The following CSGALNACT1 variants were observed in gnomAD, a reference collection of about 807,000 sequenced individuals.
CSGALNACT1 encodes the protein beta4GalNAcT-1.
CSGALNACT1 carries 52 observed loss-of-function variants against 51.0 expected under a neutral mutation model. The observed-to-expected ratio is 1.02, with a 90% CI of 0.82 to 1.29. CSGALNACT1 has a LOEUF of 1.29. CSGALNACT1 is among the 50% of genes most tolerant of loss of function. The probability of loss-of-function intolerance (pLI) is 0.00; values close to 1 mark genes in which losing one functional copy is unlikely to be tolerated. For synonymous variants in CSGALNACT1, 341 were observed against 254.4 expected, an observed-to-expected ratio of 1.34 and a Z score of -3.24; for missense variants, 935 against 679.2, an observed-to-expected ratio of 1.38 and a Z score of -4.19.
chr8:19,668,076 A>G (rs1014685695), intron 1 of CSGALNACT1, among the ~76,000 whole-genome samples: 6 of 152,216 alleles, frequency 3.9e-5, no homozygotes, highest in Non-Finnish European at 8.8e-5. Flanking sequence ...ACTTTTCCAG[A>G]GAGAGAAATA....
At position 19,631,973 on chromosome 8, in the gene CSGALNACT1, G is replaced by T. The variant is rs530510850; in HGVS notation, c.-543-30108C>A. The stretch of plus-strand genomic sequence containing the variant: ...TGGGACAAGAGAAAAATAGGAAGAA[G>T]CTTTTTGCTGTAGGTTATTACACCT... On this transcript the variant is annotated intron_variant, in intron 1 of 9. Transcript: ENST00000332246. 2.6e-5 allele frequency among the ~76,000 whole-genome samples: 4 copies of T among 152,322 alleles called. No individual in the cohort carries two copies. The South Asian group carries it at 8.3e-4, about 32-fold the overall frequency.
chr8:19,608,176 C>T (rs1056255073), intron 1 of CSGALNACT1, among the ~76,000 whole-genome samples: 4 of 152,308 alleles, frequency 2.6e-5, no homozygotes, highest in African/African-American at 9.6e-5. Context: ...GAAAAGTAAA[C>T]TCACCCCCAA....
At chr8:19,634,615 T>A (rs1474970243) in intron 1 of CSGALNACT1, among the ~76,000 whole-genome samples, 1 of 152,184 alleles carries the variant, frequency 6.6e-6, no homozygotes, top group African/African-American at 2.4e-5. Flanking sequence ...TGAGCCATGA[T>A]TGCACCACTG....
chr8:19,445,961 G>A (rs2062042773), intron 5 of CSGALNACT1, among the ~76,000 whole-genome samples: 1 of 152,130 alleles, frequency 6.6e-6, no homozygotes, highest in African/African-American at 2.4e-5. Context: ...GATCACTTGA[G>A]GTCAGGAGTT....
chr8:19,582,154 G>A (rs370209326), intron 3 of CSGALNACT1, among the ~76,000 whole-genome samples: 1 of 152,296 alleles, frequency 6.6e-6, no homozygotes, highest in South Asian at 2.1e-4. Flanking sequence ...CAGGAGGGCC[G>A]TGGCTATAAC....
chr8:19,745,159 T>C (rs1365377597), intron 1 of CSGALNACT1, among the ~76,000 whole-genome samples: 3 of 152,148 alleles, frequency 2.0e-5, no homozygotes, highest in Admixed American at 6.5e-5. Flanking sequence ...AAAAATAAAT[T>C]CTACAAATAA....
chr8:19,681,073 G>C (rs1223983920), intron 1 of CSGALNACT1, among the ~76,000 whole-genome samples: 1 of 152,076 alleles, frequency 6.6e-6, no homozygotes, highest in Non-Finnish European at 1.5e-5. Flanking sequence ...CCAGATTTCA[G>C]TATCCCCAAA....
At chr8:19,593,117 G>A (rs1006137887) in intron 2 of CSGALNACT1, among the ~76,000 whole-genome samples, 4 of 152,192 alleles carry the variant, frequency 2.6e-5, no homozygotes, top group South Asian at 2.1e-4. Context: ...AACTGCTTCA[G>A]TAACTAAATA....
At chr8:19,669,219 A>G (rs774650726) in intron 1 of CSGALNACT1, among the ~76,000 whole-genome samples, 2 of 152,230 alleles carry the variant, frequency 1.3e-5, no homozygotes, top group Non-Finnish European at 2.9e-5. Context: ...TGCAAATGCA[A>G]GCACTAGTCT....
intron 3 of CSGALNACT1, among the ~76,000 whole-genome samples, chr8:19,554,251 A>G (rs1474829044): frequency 2.0e-5 from 3 of 152,202 alleles, no homozygotes; most frequent in Non-Finnish European, 4.4e-5. Flanking sequence ...ATCATCAGCA[A>G]CACTGCACAT....
At chr8:19,580,397 T>C (rs1372247963) in intron 3 of CSGALNACT1, among the ~76,000 whole-genome samples, 1 of 152,212 alleles carries the variant, frequency 6.6e-6, no homozygotes, top group African/African-American at 2.4e-5. Context: ...GGGCCTAGTA[T>C]GGACAGAGTC....
intron 1 of CSGALNACT1, among the ~76,000 whole-genome samples, chr8:19,661,815 C>A (rs1477376540): frequency 1.3e-5 from 2 of 152,116 alleles, no homozygotes; most frequent in African/African-American, 4.8e-5. Context: ...ACGGATATGC[C>A]TTGCCTTTCT....
At chr8:19,453,476 G>A (rs946932490) in intron 5 of CSGALNACT1, among the ~76,000 whole-genome samples, 3 of 152,112 alleles carry the variant, frequency 2.0e-5, no homozygotes, top group African/African-American at 7.2e-5. Context: ...GAGAAGACCT[G>A]TAAAATATAT....
At chr8:19,545,672 G>C (rs144742555) in intron 3 of CSGALNACT1, among the ~76,000 whole-genome samples, 2 of 151,858 alleles carry the variant, frequency 1.3e-5, no homozygotes, top group African/African-American at 4.8e-5. Flanking sequence ...GAGAAAAAAC[G>C]TAAGGAAATG....
chr8:19,620,118 A>C (rs1313362380), intron 1 of CSGALNACT1, among the ~76,000 whole-genome samples: 1 of 151,930 alleles, frequency 6.6e-6, no homozygotes, highest in Non-Finnish European at 1.5e-5. Context: ...TTCAAGACCA[A>C]CCTGGCCAAT....
At chr8:19,428,764 A>G (rs1467865091) in intron 6 of CSGALNACT1, among the ~76,000 whole-genome samples, 2 of 152,042 alleles carry the variant, frequency 1.3e-5, no homozygotes, top group African/African-American at 4.8e-5. Context: ...GGCTCTGCAG[A>G]GGACACAAGG....
upstream of CSGALNACT1, among the ~76,000 whole-genome samples, chr8:19,685,765 T>C (rs991748021): frequency 7.2e-5 from 11 of 152,206 alleles, no homozygotes; most frequent in African/African-American, 2.7e-4. Flanking sequence ...AGGCAGGTAT[T>C]TCAAGGAAGC....
At chr8:19,524,547 A>G (rs2081311077) in intron 3 of CSGALNACT1, among the ~76,000 whole-genome samples, 1 of 152,010 alleles carries the variant, frequency 6.6e-6, no homozygotes, top group Admixed American at 6.5e-5. Flanking sequence ...AATTTTTTTA[A>G]TATTAGTTCC....
At chr8:19,683,972 C>T (rs2154210623), upstream of CSGALNACT1, among the ~76,000 whole-genome samples, 1 of 152,234 alleles carries the variant, frequency 6.6e-6, no homozygotes, top group East Asian at 1.9e-4. Flanking sequence ...TCAAAACCAA[C>T]ATCCCCAACA....
Sources: gnomAD v4.1 joint callset for allele counts (sites outside exome capture counted in the v4.1 genomes callset) on GRCh38, gnomAD v4.1.1 for gene constraint, MANE v1.5 for transcripts, NCBI Gene and HGNC (gene_info 2026-07-23, HGNC 2026-07-21) for gene names.